Variants in ADGRB3 observed in about 807,000 individuals in gnomAD.
ADGRB3 encodes the protein adhesion G protein-coupled receptor B3, also known as brain-specific angiogenesis inhibitor 3.
A neutral mutation model predicts 193.4 loss-of-function variants in ADGRB3; 37 were observed. The observed-to-expected ratio is 0.19, with a 90% confidence interval of 0.15 to 0.25. The LOEUF is 0.25. Ranked by LOEUF, ADGRB3 falls within the 10% of genes least tolerant of loss-of-function variation. The probability of loss-of-function intolerance (pLI) is 1.00; values close to 1 mark genes in which losing one functional copy is unlikely to be tolerated. For missense variants in ADGRB3, 1,637 were observed against 1,852.9 expected (o/e 0.88, Z 2.14); for synonymous variants, 690 against 644.2 (o/e 1.07, Z -1.08).
intron 17 of ADGRB3, among the ~76,000 whole-genome samples, chr6:69,087,669 C>T (rs558999592): frequency 6.6e-6 from 1 of 152,016 alleles, no homozygotes; most frequent in South Asian, 2.1e-4. Flanking sequence ...GTTATAGCAG[C>T]CCAAATGAAC....
chr6:69,386,088 T>C (rs1770063881), intron 31 of ADGRB3, among the ~76,000 whole-genome samples: 5 of 152,068 alleles, frequency 3.3e-5, no homozygotes, highest in Non-Finnish European at 1.5e-5. Flanking sequence ...TAAAGATTAG[T>C]AGAAAGCCAA....
At chr6:68,811,877 A>T (rs1440580738) in intron 3 of ADGRB3, among the ~76,000 whole-genome samples, 1 of 152,206 alleles carries the variant, frequency 6.6e-6, no homozygotes, top group Non-Finnish European at 1.5e-5. Context: ...AGATACATAT[A>T]CACTTATATA....
intron 3 of ADGRB3, among the ~76,000 whole-genome samples, chr6:68,735,907 C>T (rs1020332792): frequency 7.2e-5 from 11 of 152,054 alleles, no homozygotes; most frequent in African/African-American, 2.7e-4. Context: ...TCACTGAGTG[C>T]TACAAAATAT....
chr6:68,928,195 C>G (rs1298424758), intron 3 of ADGRB3, among the ~76,000 whole-genome samples: 1 of 152,056 alleles, frequency 6.6e-6, no homozygotes, highest in Non-Finnish European at 1.5e-5. Flanking sequence ...TTGTTTTAAA[C>G]TTAAGAAAGT....
At chr6:68,728,066 T>C (rs1765705404) in intron 3 of ADGRB3, among the ~76,000 whole-genome samples, 2 of 151,598 alleles carry the variant, frequency 1.3e-5, no homozygotes, top group Non-Finnish European at 3.0e-5. Flanking sequence ...CTGACTCTTC[T>C]ATGAGAATGG....
intron 3 of ADGRB3, among the ~76,000 whole-genome samples, chr6:68,826,603 G>A (rs1767848820): frequency 6.6e-6 from 1 of 152,150 alleles, no homozygotes. Flanking sequence ...GATCAATCTG[G>A]ATGTTGTGTT....
chr6:69,046,107 CCTTT>C (rs969722988), intron 13 of ADGRB3, among the ~76,000 whole-genome samples: 12 of 152,054 alleles, frequency 7.9e-5, no homozygotes, highest in African/African-American at 2.9e-4. Context: ...ACTGGTTATG[CCTTT>C]CTGTTTGTTT....
intron 3 of ADGRB3, among the ~76,000 whole-genome samples, chr6:68,915,978 A>G (rs1414226197): frequency 6.6e-6 from 1 of 151,914 alleles, no homozygotes; most frequent in Non-Finnish European, 1.5e-5. Flanking sequence ...ATAAAATTAA[A>G]TAAAAAATAT....
At chr6:69,249,606 C>T (rs953493855) in intron 20 of ADGRB3, among the ~76,000 whole-genome samples, 54 of 152,204 alleles carry the variant, frequency 3.5e-4, no homozygotes, top group African/African-American at 1.1e-3. Flanking sequence ...AAGCTAATTC[C>T]CAATCAAATT....
chr6:68,948,348 C>T (rs980348311), intron 6 of ADGRB3, among the ~76,000 whole-genome samples: 2 of 152,060 alleles, frequency 1.3e-5, no homozygotes, highest in African/African-American at 4.8e-5. Flanking sequence ...TGGTGATTCC[C>T]CCTCTACGGT....
At chr6:68,880,726 G>A (rs1214441001) in intron 3 of ADGRB3, among the ~76,000 whole-genome samples, 3 of 152,126 alleles carry the variant, frequency 2.0e-5, no homozygotes, top group Admixed American at 6.5e-5. Context: ...TTTCCACAGA[G>A]CATCTCCAGG....
At chr6:68,897,691 CAGAAAGA>C (rs1232835120) in intron 3 of ADGRB3, among the ~76,000 whole-genome samples, 178 of 59,412 alleles carry the variant, frequency 3.0e-3, no homozygotes, top group African/African-American at 0.013. Flanking sequence ...GAAAGAGAAA[CAGAAAGA>C]AGAAAGAAGG....
intron 3 of ADGRB3, among the ~76,000 whole-genome samples, chr6:68,847,699 G>C (rs1294174820): frequency 6.6e-6 from 1 of 152,048 alleles, no homozygotes; most frequent in East Asian, 1.9e-4. Flanking sequence ...TCCCAGTCTC[G>C]GGTATGTCTT....
chr6:69,294,400 G>GT (rs1353085290), intron 20 of ADGRB3, among the ~76,000 whole-genome samples: 1 of 151,922 alleles, frequency 6.6e-6, no homozygotes, highest in Admixed American at 6.6e-5. Flanking sequence ...GAGTTACAAG[G>GT]TAAATAGGAC....
At chr6:69,184,304 G>C (rs1218601683) in intron 17 of ADGRB3, among the ~76,000 whole-genome samples, 2 of 152,116 alleles carry the variant, frequency 1.3e-5, no homozygotes, top group East Asian at 3.9e-4. Flanking sequence ...CAGACAAATG[G>C]GTGTGATAGT....
intron 29 of ADGRB3, among the ~76,000 whole-genome samples, chr6:69,371,815 T>C (rs994282900): frequency 1.3e-5 from 2 of 152,084 alleles, no homozygotes; most frequent in African/African-American, 4.8e-5. Flanking sequence ...ATAGTTTGTT[T>C]TGCTGAACTA....
At chr6:69,274,475 T>TCCTTCCTCCCTC (rs1057078353) in intron 20 of ADGRB3, among the ~76,000 whole-genome samples, 2 of 115,910 alleles carry the variant, frequency 1.7e-5, no homozygotes, top group African/African-American at 9.0e-5. Context: ...CTTCCTTCCT[T>TCCTTCCTCCCTC]CCTCCCTCCC....
At chr6:68,693,467 A>G (rs777837933) in intron 3 of ADGRB3, among the ~76,000 whole-genome samples, 6 of 151,960 alleles carry the variant, frequency 3.9e-5, no homozygotes, top group Non-Finnish European at 8.8e-5. Context: ...TTCTCTGATG[A>G]CTCAGCTCCA....
In ADGRB3 at chr6:68,901,366, A is replaced by G. The variant is rs116987445; in HGVS notation, c.758-29193A>G. Among the ~76,000 whole-genome samples the G allele has an allele frequency of 3.3e-5, 5 of 152,280 alleles. No homozygotes were observed. The East Asian group carries it at 9.7e-4, about 29-fold the overall frequency. ...ATGATAGCTGGCTTTTTCCGGGACA[A>G]ATAATTCAAGAGACAGTTAGAGAGA... On this transcript the variant is annotated intron_variant, in intron 3 of 31. Transcript: ENST00000370598.
Sources: gnomAD v4.1 joint callset for allele counts (sites outside exome capture counted in the v4.1 genomes callset) on GRCh38, gnomAD v4.1.1 for gene constraint, MANE v1.5 for transcripts, NCBI Gene and HGNC (gene_info 2026-07-23, HGNC 2026-07-21) for gene names.